The following IFT46 variants were observed in gnomAD, a reference collection of about 807,000 sequenced individuals.
The protein encoded by IFT46 is intraflagellar transport protein 46 homolog.
In IFT46, 19 loss-of-function variants were observed where a neutral mutation model predicts 39.6. The ratio of observed to expected loss-of-function variants is 0.48; its 90% CI spans 0.33 to 0.70. The LOEUF (loss-of-function observed/expected upper bound fraction) is 0.70. IFT46 is among the 30% of genes least tolerant of loss of function. IFT46 has a pLI of 0.01. For missense variants in IFT46, 334 were observed against 364.8 expected, an observed-to-expected ratio of 0.92 and a Z score of 0.69; for synonymous variants, 117 against 134.8, an observed-to-expected ratio of 0.87 and a Z score of 0.91.
At chr11:118,552,106 G>T in intron 8 of IFT46, 108 bp downstream of exon 8, 2 of 1,367,652 alleles carry the variant, frequency 1.5e-6, no homozygotes, top group Non-Finnish European at 2.0e-6. Flanking sequence ...CAGGACCTCA[G>T]GTTGATCAAA....
upstream of IFT46, among the ~76,000 whole-genome samples, chr11:118,576,438 A>C (rs1390761210): frequency 9.7e-4 from 143 of 147,136 alleles, 1 homozygote; most frequent in African/African-American, 3.4e-3. Context: ...AAAAAAAAAA[A>C]AAAAAAAAAA....
rs1591376877 is a variant in IFT46, at chr11:118,572,473, T to G, written c.-133+123A>C. 3 of 1,541,500 alleles carry G rather than the reference T, an allele frequency of 1.9e-6. No homozygotes were observed. The South Asian group carries it at 3.5e-5, about 18-fold the overall frequency. On this transcript the variant is annotated intron_variant, in intron 1 of 5. Coordinates refer to the IFT46 transcript ENST00000528378. ...GGGGCAGCAGGTCCAGAGCTGCTGG[T>G]GCTCCCGTTCCCCAGACCCTACCCC...
rs1555066594 is a variant in IFT46, at chr11:118,544,797, A to G, written c.*119T>C. 1 of 710,960 alleles carries G rather than the reference A, an allele frequency of 1.4e-6. No individual in the cohort carries two copies. The highest frequency in any genetic ancestry group is 2.7e-5 in the East Asian group (1 of 37,586). The allele number at this position is 710,960 out of a possible 1,614,324, so 44.0% of individuals were successfully genotyped here. On this transcript the variant is annotated 3_prime_UTR_variant, in exon 12 of 12. Transcript: ENST00000264021. ...TGGCAGAGAGGGCAGCAGGACATGC[A>G]CTGCCCCTGAGCCAAGCTGTGGCAT...
At chr11:118,570,277 G>A (rs1355624050), upstream of IFT46, among the ~76,000 whole-genome samples, 2 of 150,826 alleles carry the variant, frequency 1.3e-5, no homozygotes, top group East Asian at 3.9e-4. Context: ...GGCCAGGATG[G>A]TCTCGATCTC....
At chr11:118,547,739 CTTTT>C (rs1951721511) in intron 9 of IFT46, among the ~76,000 whole-genome samples, 2 of 120,780 alleles carry the variant, frequency 1.7e-5, no homozygotes, top group Non-Finnish European at 3.5e-5. Flanking sequence ...CTTTTCTTTT[CTTTT>C]CTTTTTTTTT....
chr11:118,554,292 A>G (rs1555068984), intron 7 of IFT46, among the ~76,000 whole-genome samples, 167 bp downstream of exon 7: 1 of 151,764 alleles, frequency 6.6e-6, no homozygotes, highest in Non-Finnish European at 1.5e-5. Context: ...TCCTGACCTC[A>G]TGATCCACCC....
In IFT46 at chr11:118,554,703, C is replaced by T. The variant is rs147577488; in HGVS notation, c.355-116G>A. 1.5e-3 allele frequency: 1,713 copies of T among 1,130,214 alleles called. 6 individuals carry two copies. Among genetic ancestry groups the T allele is most frequent in the Non-Finnish European group, 1.6e-3 (1,290 of 794,944 alleles). The allele number at this position is 1,130,214 out of a possible 1,614,324, so 70.0% of individuals were successfully genotyped here. On this transcript the variant is annotated intron_variant, in intron 6 of 11. Transcript: ENST00000264021. ...TTAAAAGCATGCTTATCATGCTGTA[C>T]GCAATACTATCCAGAAAAAAAATAT... is the stretch of plus-strand genomic sequence containing the variant.
intron 2 of IFT46, chr11:118,560,645 G>A (rs1404420254): frequency 1.2e-4 from 59 of 497,292 alleles, no homozygotes; most frequent in African/African-American, 8.1e-4. Context: ...CTGCTGGGCC[G>A]GCAGGTCTCT....
chr11:118,551,717 A>T, intron 9 of IFT46, 69 bp downstream of exon 9: 3 of 1,052,380 alleles, frequency 2.9e-6, no homozygotes, highest in Non-Finnish European at 4.4e-6. Flanking sequence ...ATGGAGGAAG[A>T]GAAAAAACAC....
intron 2 of IFT46, chr11:118,560,144 G>A (rs1937990604): frequency 2.8e-6 from 1 of 354,998 alleles, no homozygotes; most frequent in Non-Finnish European, 5.1e-6. Context: ...CAGGGGCAGT[G>A]GCTCATGCCT....
chr11:118,576,426 T>TAAAAA (rs10671866), upstream of IFT46, among the ~76,000 whole-genome samples: 322 of 108,694 alleles, frequency 3.0e-3, 1 homozygote, highest in African/African-American at 9.3e-3. Context: ...CCAAAAATGT[T>TAAAAA]AAAAAAAAAA....
At position 118,557,066 on chromosome 11, in the gene IFT46, C is replaced by T. The variant is rs1937865412; in HGVS notation, c.46-21G>A. The T allele has an allele frequency of 1.9e-6, 3 of 1,559,624 alleles. No individual in the cohort carries two copies. The African/African-American group carries it at 4.1e-5, about 21-fold the overall frequency. On this transcript the variant is annotated intron_variant, in intron 3 of 11. Transcript: ENST00000264021. ...TTCTCCTGTGATAGGGCAGGGCAGG[C>T]ATAGAAAGCTTCAAGTAAAAAAATC...
chr11:118,566,773 T>C (rs1938237031), upstream of IFT46, among the ~76,000 whole-genome samples: 1 of 152,264 alleles, frequency 6.6e-6, no homozygotes. Context: ...GCAAGACCTG[T>C]GTCTAATTAA....
At chr11:118,545,273 A>T in intron 11 of IFT46, 136 bp downstream of exon 11, 1 of 774,912 alleles carries the variant, frequency 1.3e-6, no homozygotes, top group Non-Finnish European at 2.2e-6. Context: ...TTGCTCTCCT[A>T]ATTATGGGAA....
chr11:118,551,861 ATAAAGG>A lies in IFT46; in HGVS notation c.606-15_606-10del. 1 of 1,612,896 alleles carries A rather than the reference ATAAAGG, an allele frequency of 6.2e-7. No individual in the cohort carries two copies. The highest frequency in any genetic ancestry group is 8.5e-7 in the Non-Finnish European group (1 of 1,178,952). ...CAATGTCGGGCATGGGCCTAAAAGT[ATAAAGG>A]TAAATATGAACAAGAAACGTGAACT... On this transcript the variant is annotated splice_polypyrimidine_tract_variant and intron_variant, in intron 8 of 11. Coordinates refer to ENST00000264021, the MANE Select transcript of IFT46 (RefSeq NM_001168618.2).
At chr11:118,563,064 CAAA>C (rs797043654) in intron 2 of IFT46, among the ~76,000 whole-genome samples, 1 of 110,670 alleles carries the variant, frequency 9.0e-6, no homozygotes. Context: ...AATTCAGTCT[CAAA>C]AAAAAAAAAA....
upstream of IFT46, among the ~76,000 whole-genome samples, chr11:118,569,355 G>C (rs1938291818): frequency 6.6e-6 from 1 of 151,810 alleles, no homozygotes; most frequent in Admixed American, 6.6e-5. Context: ...AACTTTGGGG[G>C]GACAAGATGG....
chr11:118,561,234 A>G (rs1938045572), intron 2 of IFT46: 4 of 1,377,820 alleles, frequency 2.9e-6, no homozygotes, highest in Non-Finnish European at 4.1e-6. Context: ...TTCCCTAGTT[A>G]TGATTCTGAA....
At chr11:118,561,437 C>A in intron 2 of IFT46, 1 of 801,818 alleles carries the variant, frequency 1.2e-6, no homozygotes, top group Non-Finnish European at 2.2e-6. Flanking sequence ...ATGAGAGAAT[C>A]CAGTCTATGA....
Sources: gnomAD v4.1 joint callset for allele counts (sites outside exome capture counted in the v4.1 genomes callset) on GRCh38, gnomAD v4.1.1 for gene constraint, MANE v1.5 for transcripts, NCBI Gene and HGNC (gene_info 2026-07-23, HGNC 2026-07-21) for gene names.